Variants in ST18 observed in about 807,000 individuals in gnomAD.
ST18 encodes the protein ST18 C2H2C-type zinc finger transcription factor, also known as suppression of tumorigenicity 18 protein.
Under a neutral mutation model 110.0 loss-of-function variants are expected in ST18, and 50 were observed. The observed-to-expected ratio is 0.45, with a 90% CI of 0.36 to 0.58. The LOEUF (loss-of-function observed/expected upper bound fraction) is 0.58, where lower values mean the gene tolerates loss of function less well. ST18 is among the 20% of genes least tolerant of loss of function. The pLI, the probability that ST18 is intolerant of heterozygous loss-of-function variation, is 0.00. For synonymous variants in ST18, 461 were observed against 452.4 expected (o/e 1.02, Z -0.24); for missense variants, 1,306 against 1,280.1 (o/e 1.02, Z -0.31).
At chr8:52,339,375 C>G (rs74733891) in intron 2 of ST18, among the ~76,000 whole-genome samples, 5 of 152,222 alleles carry the variant, frequency 3.3e-5, no homozygotes, top group Non-Finnish European at 5.9e-5. Context: ...TCAGGACATT[C>G]GGTCAGGCCA....
At chr8:52,390,189 A>C (rs1017365804) in intron 2 of ST18, among the ~76,000 whole-genome samples, 1 of 152,146 alleles carries the variant, frequency 6.6e-6, no homozygotes, top group African/African-American at 2.4e-5. Context: ...ATGTGGAGTC[A>C]ATGTCTTCGG....
rs376397708 is a variant in ST18 at position 52,133,919 on chromosome 8, CAG to C, written c.2301-620_2301-619del. On this transcript the variant is annotated intron_variant, in intron 19 of 25. Transcript: ENST00000689386. ...CTAATTTTTGTATTTTTAGTAGAGA[CAG>C]GGTTTCACCATGTTGGCCAGGCTGA... Among the ~76,000 whole-genome samples, 512 of 152,116 alleles carry C rather than the reference CAG, an allele frequency of 3.4e-3. 5 individuals are homozygous for C. The highest frequency in any genetic ancestry group is 0.012 in the African/African-American group (484 of 41,508).
intron 25 of ST18, among the ~76,000 whole-genome samples, chr8:52,114,604 T>A (rs2041858798): frequency 6.6e-6 from 1 of 152,220 alleles, no homozygotes; most frequent in South Asian, 2.1e-4. Context: ...TATTGTCCAA[T>A]CATGATTCTC....
rs1305200755 is a variant in ST18 at position 52,246,735 on chromosome 8, A to T, written c.-464-16658T>A. On this transcript the variant is annotated intron_variant, in intron 2 of 25. Transcript: ENST00000689386. The stretch of plus-strand genomic sequence containing the variant: ...ATGCACAGGCGGTGTGTGACATGAC[A>T]TTGGCACATCCCCTCGCTGTCTCAA... 4.6e-5 allele frequency: 7 copies of T among 152,238 alleles called. No homozygotes were observed. The East Asian group carries it at 1.3e-3, about 29-fold the overall frequency. 9.4% of individuals were successfully genotyped at this position (152,238 alleles called of 1,614,324 possible).
At chr8:52,215,012 T>C (rs1214708969) in intron 6 of ST18, among the ~76,000 whole-genome samples, 3 of 152,228 alleles carry the variant, frequency 2.0e-5, no homozygotes, top group Non-Finnish European at 4.4e-5. Context: ...AATCCGCGAA[T>C]CATCTCTTAG....
At chr8:52,140,065 C>T (rs978564038) in intron 17 of ST18, among the ~76,000 whole-genome samples, 1 of 152,160 alleles carries the variant, frequency 6.6e-6, no homozygotes, top group Non-Finnish European at 1.5e-5. Context: ...TCCAAAAAGT[C>T]CTAATCTAGA....
chr8:52,145,809 A>G (rs555358863), intron 16 of ST18, among the ~76,000 whole-genome samples: 73 of 152,150 alleles, frequency 4.8e-4, no homozygotes, highest in Non-Finnish European at 8.5e-4. Context: ...AGCATCTGGC[A>G]CTCTTAACAT....
intron 8 of ST18, among the ~76,000 whole-genome samples, chr8:52,198,816 C>T (rs1486688403): frequency 6.6e-6 from 1 of 152,202 alleles, no homozygotes; most frequent in Non-Finnish European, 1.5e-5. Context: ...ACAATGAAGC[C>T]TGCAAGCTCC....
At chr8:52,190,893 C>T (rs575744447) in intron 8 of ST18, among the ~76,000 whole-genome samples, 48 of 152,284 alleles carry the variant, frequency 3.2e-4, no homozygotes, top group African/African-American at 9.9e-4. Context: ...CACACCATAT[C>T]GGTGAAGTGC....
intron 2 of ST18, among the ~76,000 whole-genome samples, chr8:52,323,637 C>T (rs1804981428): frequency 6.6e-6 from 1 of 152,154 alleles, no homozygotes; most frequent in Non-Finnish European, 1.5e-5. Context: ...TTGAGTATTT[C>T]CGACTTGGTC....
intron 8 of ST18, among the ~76,000 whole-genome samples, chr8:52,194,201 G>T (rs1383671168): frequency 2.0e-5 from 3 of 152,156 alleles, no homozygotes; most frequent in Admixed American, 6.5e-5. Context: ...ACAACGAGAG[G>T]AGTAACAGGA....
intron 23 of ST18, among the ~76,000 whole-genome samples, chr8:52,119,561 T>G (rs543282494): frequency 6.6e-6 from 1 of 152,128 alleles, no homozygotes; most frequent in East Asian, 1.9e-4. Flanking sequence ...CTCCTGAAGG[T>G]GGATGCTCAC....
intron 23 of ST18, among the ~76,000 whole-genome samples, chr8:52,125,640 C>A (rs1563532450): frequency 6.7e-6 from 1 of 148,828 alleles, no homozygotes; most frequent in Non-Finnish European, 1.5e-5. Flanking sequence ...TACAGGTGTG[C>A]CCCACCACAC....
chr8:52,353,292 G>A (rs1821207946), intron 2 of ST18, among the ~76,000 whole-genome samples: 1 of 152,160 alleles, frequency 6.6e-6, no homozygotes, highest in Admixed American at 6.5e-5. Context: ...TATAAAATAA[G>A]CACAATCTTT....
chr8:52,205,016 T>A (rs1454912380), intron 8 of ST18, among the ~76,000 whole-genome samples: 3 of 152,092 alleles, frequency 2.0e-5, no homozygotes, highest in African/African-American at 7.2e-5. Context: ...AAAATACAGA[T>A]ATTAAGATTT....
At chr8:52,330,329 C>T (rs1004418018) in intron 2 of ST18, among the ~76,000 whole-genome samples, 8 of 152,208 alleles carry the variant, frequency 5.3e-5, no homozygotes, top group Non-Finnish European at 8.8e-5. Context: ...AAGAGCCTGG[C>T]GTTAATTAAT....
chr8:52,176,685 C>G (rs1287828245), intron 9 of ST18, among the ~76,000 whole-genome samples: 1 of 152,228 alleles, frequency 6.6e-6, no homozygotes, highest in Non-Finnish European at 1.5e-5. Context: ...TCAGAGTTTT[C>G]TGGTAATCCT....
chr8:52,208,478 G>C (rs754579848), intron 8 of ST18, among the ~76,000 whole-genome samples: 2 of 152,218 alleles, frequency 1.3e-5, no homozygotes, highest in Admixed American at 1.3e-4. Context: ...TTTCTCCCAA[G>C]ATTTAGATAG....
intron 24 of ST18, 106 bp downstream of exon 24, chr8:52,118,232 A>C: frequency 1.5e-6 from 1 of 685,068 alleles, no homozygotes; most frequent in Non-Finnish European, 2.4e-6. Context: ...CAGCATATTG[A>C]CTCTAAGTTA....
Sources: allele counts gnomAD v4.1 joint callset (sites outside exome capture counted in the v4.1 genomes callset), GRCh38; gene constraint gnomAD v4.1.1; transcripts MANE v1.5; gene names NCBI Gene and HGNC (gene_info 2026-07-23, HGNC 2026-07-21).